Variants in GAPVD1 observed in about 807,000 individuals in gnomAD.
The protein encoded by GAPVD1 is GTPase activating protein and VPS9 domains 1.
In GAPVD1, 35 loss-of-function variants were observed where a neutral mutation model predicts 155.5. The ratio of observed to expected loss-of-function variants is 0.23; its 90% confidence interval spans 0.17 to 0.30. The LOEUF is 0.30. Ranked by LOEUF, GAPVD1 falls within the 10% of genes least tolerant of loss-of-function variation. The pLI, the probability that GAPVD1 is intolerant of heterozygous loss-of-function variation, is 1.00. For missense variants in GAPVD1, 1,429 were observed against 1,775.7 expected (o/e 0.80, Z 3.51); for synonymous variants, 636 against 619.7 (o/e 1.03, Z -0.39).
chr9:125,363,025 T>TA lies in GAPVD1; in HGVS notation c.*285dup. The stretch of plus-strand genomic sequence containing the variant: ...CACATTTTTCAAGTATTTCTAAGTA[T>TA]AAAAAACAAAACAAAAATCTCTTAG... On this transcript the variant is annotated 3_prime_UTR_variant, in exon 28 of 28. Transcript: ENST00000297933. 1.1e-5 allele frequency: 2 copies of TA among 188,266 alleles called. No individual in the cohort carries two copies. The highest frequency in any genetic ancestry group is 1.3e-4 in the East Asian group (1 of 7,924). The allele number at this position is 188,266 out of a possible 1,614,324, so 11.7% of individuals were successfully genotyped here.
chr9:125,313,866 G>A (rs1258876470), intron 9 of GAPVD1, among the ~76,000 whole-genome samples: 1 of 152,234 alleles, frequency 6.6e-6, no homozygotes, highest in African/African-American at 2.4e-5. Context: ...CTCCCAAAGT[G>A]CTGGGATTAC....
Position 125,360,569 on chromosome 9 carries a change from A to G in GAPVD1, c.4086A>G (p.Glu1362=), listed in dbSNP as rs936964557. Residue 1362 remains glutamate (E), a synonymous_variant, in exon 27 of 28, where the codon GAA becomes GAG. Coordinates refer to ENST00000297933, the MANE Select transcript of GAPVD1 (RefSeq NM_001282680.3). ...CACCATGGCCATCTGCACAATCAGA[A>G]ATCAGGACAATAAGTGCTTATAAAA... ...REAPWPSAQS[E]IRTISAYKTP... 1.9e-6 allele frequency: 3 copies of G among 1,613,984 alleles called. No homozygotes were observed. The African/African-American group carries it at 4.0e-5, about 22-fold the overall frequency.
intron 2 of GAPVD1, among the ~76,000 whole-genome samples, chr9:125,276,888 AC>A (rs2132003883): frequency 6.6e-6 from 1 of 152,182 alleles, no homozygotes; most frequent in South Asian, 2.1e-4. Flanking sequence ...CCTCCTGAGA[AC>A]CTAGGACTAC....
chr9:125,294,792 T>C (rs894180188), intron 2 of GAPVD1, among the ~76,000 whole-genome samples: 3 of 151,752 alleles, frequency 2.0e-5, no homozygotes, highest in Admixed American at 6.6e-5. Context: ...AGTCAAGAGA[T>C]AAGGGCTGGA....
chr9:125,354,107 T>G (rs905317591), intron 23 of GAPVD1, among the ~76,000 whole-genome samples: 3 of 152,182 alleles, frequency 2.0e-5, no homozygotes, highest in Admixed American at 1.3e-4. Context: ...CTTTTTCTGC[T>G]GCCAGTCCCC....
chr9:125,350,944 T>G, intron 23 of GAPVD1, 72 bp downstream of exon 23: 2 of 1,215,418 alleles, frequency 1.6e-6, no homozygotes, highest in Non-Finnish European at 2.4e-6. Context: ...TATCCTTATT[T>G]CAGAAATGAA....
chr9:125,306,494 A>G (rs549533420), intron 6 of GAPVD1, among the ~76,000 whole-genome samples: 18 of 151,858 alleles, frequency 1.2e-4, no homozygotes, highest in Non-Finnish European at 2.4e-4. Flanking sequence ...TTTGTCTCCA[A>G]CATCTTATTG....
chr9:125,310,817 C>A (rs1003234537), intron 8 of GAPVD1, among the ~76,000 whole-genome samples: 2 of 147,870 alleles, frequency 1.4e-5, no homozygotes, highest in African/African-American at 5.0e-5. Flanking sequence ...AGATTACAGG[C>A]GTGAGCCACC....
rs757393843 is a variant in GAPVD1, at chr9:125,360,663, A to G, written c.4180A>G (p.Asn1394Asp). 8.1e-6 allele frequency: 13 copies of G among 1,614,056 alleles called. No homozygotes were observed. Among genetic ancestry groups the G allele is most frequent in the Non-Finnish European group, 1.1e-5 (13 of 1,179,970 alleles). The part of the protein sequence containing the change: ...STIMNLLSLA[N>D]EDSVPGADDF... ...GATTATGAACCTCCTGAGCCTGGCC[A>G]ATGAGGACTCTGTCCCTGGAGCGGA... Residue 1394 changes from asparagine to aspartate, a missense_variant, in exon 27 of 28, where the codon AAT (asparagine) becomes GAT (aspartate). Asn to Asp is a conservative substitution (Grantham distance 23, BLOSUM62 1). Coordinates refer to ENST00000297933, the MANE Select transcript of GAPVD1 (RefSeq NM_001282680.3).
intron 2 of GAPVD1, among the ~76,000 whole-genome samples, chr9:125,279,230 G>A (rs1290247173): frequency 1.3e-5 from 2 of 150,830 alleles, no homozygotes; most frequent in Non-Finnish European, 3.0e-5. Context: ...AAAAAAGACA[G>A]TCATGTACTC....
At chr9:125,305,249 T>C (rs1841585531) in intron 6 of GAPVD1, 100 bp downstream of exon 6, 2 of 746,768 alleles carry the variant, frequency 2.7e-6, no homozygotes, top group Non-Finnish European at 2.3e-6. Context: ...AATTAAATGT[T>C]CTTTTAATTA....
chr9:125,307,364 C>T, intron 6 of GAPVD1, 49 bp from the exon 7 acceptor site: 1 of 1,359,032 alleles, frequency 7.4e-7, no homozygotes, highest in Non-Finnish European at 9.9e-7. Flanking sequence ...AAATTTCGTT[C>T]CAGTATTTTA....
At chr9:125,328,192 T>C (rs558742665) in intron 12 of GAPVD1, among the ~76,000 whole-genome samples, 105 of 150,346 alleles carry the variant, frequency 7.0e-4, no homozygotes, top group Non-Finnish European at 1.3e-3. Flanking sequence ...AGATTTCTTT[T>C]TTTTTTTTTT....
chr9:125,270,745 A>T (rs2131812348), intron 2 of GAPVD1, among the ~76,000 whole-genome samples: 1 of 152,198 alleles, frequency 6.6e-6, no homozygotes, highest in South Asian at 2.1e-4. Flanking sequence ...GGAGTTTGAG[A>T]CCAGCGTGAC....
intron 8 of GAPVD1, chr9:125,309,944 C>T (rs1220012602): frequency 4.3e-6 from 2 of 468,594 alleles, no homozygotes; most frequent in Non-Finnish European, 8.9e-6. Flanking sequence ...CAGTTAGCAG[C>T]CATCACTGCC....
At chr9:125,355,518 C>T in intron 24 of GAPVD1, 126 bp from the exon 25 acceptor site, 1 of 618,244 alleles carries the variant, frequency 1.6e-6, no homozygotes, top group Non-Finnish European at 2.8e-6. Context: ...TACACTGAAA[C>T]ACTTTTGGCT....
rs2648314 is a variant in GAPVD1, at chr9:125,267,533, G to A, written c.-198-1403G>A. Reference sequence around the variant, plus strand: ...CTTCTGATTCTCCTGCCTCAGCCTCGCGAGTAGCTGGGATTACAGGCATGT... The same window carrying A: ...CTTCTGATTCTCCTGCCTCAGCCTCACGAGTAGCTGGGATTACAGGCATGT... On this transcript the variant is annotated intron_variant, in intron 1 of 27. Transcript: ENST00000297933. 4.2e-4 allele frequency among the ~76,000 whole-genome samples: 64 copies of A among 151,972 alleles called. 2 individuals are homozygous for A. The highest frequency in any genetic ancestry group is 6.8e-3 in the Middle Eastern group (2 of 294).
chr9:125,303,167 G>A (rs990043582), intron 5 of GAPVD1, among the ~76,000 whole-genome samples: 4 of 152,014 alleles, frequency 2.6e-5, no homozygotes, highest in Non-Finnish European at 4.4e-5. Context: ...TGGGATTACA[G>A]GCGCACACCA....
intron 4 of GAPVD1, among the ~76,000 whole-genome samples, chr9:125,299,357 TA>T (rs1316205923): frequency 2.6e-5 from 4 of 152,184 alleles, no homozygotes; most frequent in African/African-American, 9.7e-5. Flanking sequence ...TGTCTTTGTC[TA>T]TATAAAATGT....
Sources: allele counts gnomAD v4.1 joint callset (sites outside exome capture counted in the v4.1 genomes callset), GRCh38; gene constraint gnomAD v4.1.1; transcripts MANE v1.5; gene names NCBI Gene and HGNC (gene_info 2026-07-23, HGNC 2026-07-21).